MYO18B: variants seen among roughly 807,000 people sequenced by gnomAD.
The protein encoded by MYO18B is myosin XVIIIB.
MYO18B carries 204 observed loss-of-function variants against 273.0 expected under a neutral mutation model. That is an observed-to-expected ratio of 0.75 (90% CI 0.67 to 0.84). The LOEUF is 0.84. Among genes scored for constraint, MYO18B ranks in the 40% least tolerant of loss-of-function variants. The pLI is 0.00. For missense variants in MYO18B, 3,212 were observed against 3,287.6 expected (o/e 0.98, Z 0.56); for synonymous variants, 1,330 against 1,305.7 (o/e 1.02, Z -0.40).
chr22:25,950,639 T>G lies in MYO18B; in HGVS notation c.5832+189T>G, dbSNP rs548133085. Among the ~76,000 whole-genome samples the G allele has an allele frequency of 2.5e-3, 377 of 152,228 alleles. 1 individual carries two copies. The highest frequency in any genetic ancestry group is 7.7e-3 in the African/African-American group (321 of 41,524). ...CAGACTGGAGTGAAGTGGCGCGATCTTGGCTCACTGCAACCTCTGCCTGCC... is the reference window on the plus strand; with the variant it reads ...CAGACTGGAGTGAAGTGGCGCGATCGTGGCTCACTGCAACCTCTGCCTGCC... On this transcript the variant is annotated intron_variant, in intron 37 of 43. Transcript: ENST00000335473.
chr22:25,809,642 G>C (rs5761240), intron 12 of MYO18B, among the ~76,000 whole-genome samples: 10,002 of 152,166 alleles, frequency 0.066, 576 homozygotes, highest in East Asian at 0.21. Flanking sequence ...AGTTATCAGT[G>C]CTGGAATGGA....
chr22:25,785,372 C>T, intron 10 of MYO18B, 56 bp from the exon 11 acceptor site: 4 of 1,542,540 alleles, frequency 2.6e-6, no homozygotes, highest in Non-Finnish European at 1.8e-6. Context: ...ACCACCTGCC[C>T]TGCCAGGGCT....
At chr22:26,003,407 A>G in intron 41 of MYO18B, 98 bp downstream of exon 41, 1 of 1,015,354 alleles carries the variant, frequency 9.8e-7, no homozygotes, top group Admixed American at 2.0e-5. Context: ...CACTTGGAGA[A>G]TTATCAGTGA....
At chr22:25,860,914 G>T (rs2090714407) in intron 21 of MYO18B, among the ~76,000 whole-genome samples, 1 of 151,618 alleles carries the variant, frequency 6.6e-6, no homozygotes, top group Non-Finnish European at 1.5e-5. Flanking sequence ...GACAGGGCAG[G>T]CTCTTGCTCT....
intron 39 of MYO18B, among the ~76,000 whole-genome samples, chr22:25,961,592 A>T (rs1210341339): frequency 2.0e-5 from 3 of 151,986 alleles, no homozygotes; most frequent in African/African-American, 7.3e-5. Flanking sequence ...CGATGAAGCA[A>T]CTCCTCTGTG....
At chr22:26,038,628 G>T in the MYO18B span, among the ~76,000 whole-genome samples, 1 of 152,154 alleles carries the variant, frequency 6.6e-6, no homozygotes, top group Non-Finnish European at 1.5e-5. Context: ...GGAAACAGGA[G>T]ATTTGAGGGA....
intron 32 of MYO18B, 24 bp downstream of exon 32, chr22:25,908,456 G>A (rs1449309171): frequency 6.4e-7 from 1 of 1,550,902 alleles, no homozygotes; most frequent in South Asian, 1.2e-5. Flanking sequence ...GAACACAGCT[G>A]TGCCCTTGGA....
downstream of MYO18B, among the ~76,000 whole-genome samples, chr22:26,032,803 A>G (rs1182068450): frequency 1.3e-5 from 2 of 151,926 alleles, no homozygotes; most frequent in African/African-American, 4.8e-5. Flanking sequence ...GATTTTAATC[A>G]CCCTTTTAAA....
intron 39 of MYO18B, among the ~76,000 whole-genome samples, chr22:25,982,460 AAC>A (rs2093159039): frequency 1.3e-5 from 2 of 152,246 alleles, no homozygotes; most frequent in African/African-American, 4.8e-5. Flanking sequence ...ATCTTAAAAC[AAC>A]ACAGATTTAT....
chr22:26,044,995 A>G, the MYO18B span, among the ~76,000 whole-genome samples: 1 of 151,926 alleles, frequency 6.6e-6, no homozygotes, highest in Non-Finnish European at 1.5e-5. Flanking sequence ...TTGGGTTGTC[A>G]TGTGACCTTG....
intron 16 of MYO18B, 145 bp from the exon 17 acceptor site, chr22:25,835,151 T>C (rs1469096396): frequency 6.5e-6 from 6 of 929,018 alleles, no homozygotes; most frequent in Middle Eastern, 3.4e-4. Context: ...CTGGGGTGAT[T>C]GGGAGCATGG....
At position 25,902,703 on chromosome 22, in the gene MYO18B, G is replaced by T. The variant is rs747106266; in HGVS notation, c.4914G>T (p.Arg1638=). The T allele has an allele frequency of 9.4e-6, 15 of 1,590,832 alleles. No individual in the cohort carries two copies. The highest frequency in any genetic ancestry group is 1.7e-4 in the Middle Eastern group (1 of 6,052). The change falls in exon 30 of 44, where the codon CGG becomes CGT. Residue 1638 remains arginine, a synonymous_variant. Coordinates refer to ENST00000335473, the MANE Select transcript of MYO18B (RefSeq NM_032608.7). ...EKVTQENTSV[R]WELGQLQQQL... is the part of the protein sequence containing the mutation. ...TGACCCAGGAGAACACCAGTGTCCGGTGGGAGCTAGGCCAGCTTCAGCAGC... is the reference window on the plus strand; with the variant it reads ...TGACCCAGGAGAACACCAGTGTCCGTTGGGAGCTAGGCCAGCTTCAGCAGC...
intron 32 of MYO18B, among the ~76,000 whole-genome samples, chr22:25,910,169 A>G (rs1448388372): frequency 6.6e-6 from 1 of 152,232 alleles, no homozygotes; most frequent in Non-Finnish European, 1.5e-5. Context: ...CTGCTGTAGC[A>G]GAATATTATT....
chr22:25,860,887 A>AT (rs695541), intron 21 of MYO18B, among the ~76,000 whole-genome samples: 8,661 of 142,726 alleles, frequency 0.061, 292 homozygotes, highest in East Asian at 0.14. Flanking sequence ...TATCATTGCT[A>AT]TTTTTTTTTT....
chr22:25,933,587 TTTTAGGCAA>T (rs1247928834), intron 34 of MYO18B, among the ~76,000 whole-genome samples: 15 of 152,326 alleles, frequency 9.8e-5, no homozygotes, highest in Admixed American at 9.8e-4. Context: ...ATTGCGTGTG[TTTTAGGCAA>T]TTAAAGTAAT....
intron 43 of MYO18B, among the ~76,000 whole-genome samples, chr22:26,028,155 C>G (rs954637838): frequency 2.0e-5 from 3 of 148,714 alleles, no homozygotes; most frequent in African/African-American, 7.5e-5. Flanking sequence ...TGAGGCAGGA[C>G]AATCGCTTGA....
intron 42 of MYO18B, among the ~76,000 whole-genome samples, chr22:26,012,877 C>A (rs1043356917): frequency 1.3e-5 from 2 of 152,082 alleles, no homozygotes; most frequent in African/African-American, 4.8e-5. Context: ...AGGAAATTTT[C>A]AAAAAATTGA....
intron 42 of MYO18B, among the ~76,000 whole-genome samples, chr22:26,005,417 A>T (rs1016761184): frequency 1.3e-5 from 2 of 152,194 alleles, no homozygotes; most frequent in African/African-American, 4.8e-5. Flanking sequence ...GAAAGGGATG[A>T]ATTCAGGTGT....
intron 25 of MYO18B, 145 bp from the exon 26 acceptor site, chr22:25,890,611 G>A: frequency 2.5e-6 from 3 of 1,199,222 alleles, no homozygotes; most frequent in Non-Finnish European, 3.4e-6. Context: ...AAATTCTGAA[G>A]TCCATCCTCT....
Sources: allele counts gnomAD v4.1 joint callset (sites outside exome capture counted in the v4.1 genomes callset), GRCh38; gene constraint gnomAD v4.1.1; transcripts MANE v1.5; gene names NCBI Gene and HGNC (gene_info 2026-07-23, HGNC 2026-07-21).